DNAH12: variants seen among roughly 807,000 people sequenced by gnomAD.
DNAH12 encodes the protein axonemal beta dynein heavy chain 12.
In DNAH12, 285 loss-of-function variants were observed where a neutral mutation model predicts 371.5. The observed-to-expected ratio is 0.77, with a 90% CI of 0.70 to 0.85. DNAH12 has a LOEUF of 0.85. DNAH12 is among the 40% of genes least tolerant of loss of function. The pLI is 0.00. For missense variants in DNAH12, 3,611 were observed against 3,689.4 expected (o/e 0.98, Z 0.55); for synonymous variants, 1,200 against 1,213.0 (o/e 0.99, Z 0.22).
At chr3:57,542,672 C>A in intron 2 of DNAH12, 29 bp downstream of exon 2, 3 of 1,527,024 alleles carry the variant, frequency 2.0e-6, no homozygotes, top group Admixed American at 2.1e-5. Flanking sequence ...GAATTCCAAG[C>A]AAGAATTATC....
chr3:57,511,246 C>T (rs2067987460), intron 4 of DNAH12, among the ~76,000 whole-genome samples: 1 of 152,104 alleles, frequency 6.6e-6, no homozygotes, highest in African/African-American at 2.4e-5. Context: ...CTTTACCTAA[C>T]TTATTATTCC....
chr3:57,411,850 G>T (rs573433633), intron 39 of DNAH12, among the ~76,000 whole-genome samples: 81 of 152,210 alleles, frequency 5.3e-4, no homozygotes, highest in Non-Finnish European at 9.3e-4. Context: ...GATATGGAGA[G>T]GCCAAAGTCC....
At chr3:57,430,905 C>G (rs956649504) in intron 32 of DNAH12, among the ~76,000 whole-genome samples, 2 of 152,100 alleles carry the variant, frequency 1.3e-5, no homozygotes, top group Non-Finnish European at 1.5e-5. Context: ...CCATATGTGG[C>G]TATTTATATT....
chr3:57,390,687 G>A (rs1466948672), intron 45 of DNAH12, among the ~76,000 whole-genome samples: 4 of 151,572 alleles, frequency 2.6e-5, no homozygotes, highest in Non-Finnish European at 5.9e-5. Flanking sequence ...ATACCAAATT[G>A]TATTAAACAG....
intron 43 of DNAH12, among the ~76,000 whole-genome samples, chr3:57,398,972 T>C (rs1411154467): frequency 6.6e-6 from 1 of 152,168 alleles, no homozygotes; most frequent in African/African-American, 2.4e-5. Context: ...GCCTTATAAA[T>C]GTATGTTAAT....
chr3:57,438,972 T>TAC (rs992002043), intron 29 of DNAH12, among the ~76,000 whole-genome samples: 3 of 123,614 alleles, frequency 2.4e-5, no homozygotes, highest in Non-Finnish European at 5.0e-5. Flanking sequence ...CACACACACA[T>TAC]ACACACACAC....
At position 57,436,997 on chromosome 3, in the gene DNAH12, G is replaced by A; in HGVS notation, c.4609C>T (p.Leu1537Phe). 1 of 1,512,502 alleles carries A rather than the reference G, an allele frequency of 6.6e-7. No homozygotes were observed. The highest frequency in any genetic ancestry group is 2.6e-5 in the Admixed American group (1 of 38,772). 93.7% of individuals were successfully genotyped at this position (1,512,502 alleles called of 1,614,324 possible). A position where few individuals can be genotyped will look rare whatever the true frequency, so the allele number is the denominator to read the frequency against. The change falls in exon 30 of 74, where the codon CTT becomes TTT. Residue 1537 changes from leucine to phenylalanine, a missense_variant. This residue lies in a region of DNAH12 where 2,266 missense variants were observed against 2,236.9 expected (regional missense o/e 1.01). Transcript: ENST00000495027. ...VHNLQPVKFF[L>F]EKIIQTYEMM... Reference sequence around the variant, plus strand: ...TCATATGTTTGAATTATTTTTTCAAGAAAAAATTTAACAGGCTGAAGATTA... The same window carrying A: ...TCATATGTTTGAATTATTTTTTCAAAAAAAAATTTAACAGGCTGAAGATTA...
chr3:57,485,688 C>T (rs7640420), intron 12 of DNAH12, among the ~76,000 whole-genome samples: 9,809 of 151,882 alleles, frequency 0.065, 1,076 homozygotes, highest in African/African-American at 0.22. Flanking sequence ...CATGAGCCAC[C>T]GCACCCGGCT....
the DNAH12 span, among the ~76,000 whole-genome samples, chr3:57,550,485 T>C: frequency 3.3e-5 from 5 of 152,160 alleles, no homozygotes; most frequent in East Asian, 5.8e-4. Context: ...TATCCGTTTA[T>C]TTTTGTATAC....
rs372481500 is a variant in DNAH12 at position 57,433,745 on chromosome 3, T to C, written c.4739A>G (p.His1580Arg). ...GACCTTTTCTTCCTCTCCATAGCCA[T>C]GTTCATTCATTAAAGTTAGCGTATC... Reference protein sequence around the residue: ...LADTLTLMNEHGYGEEEKVIY... With the variant: ...LADTLTLMNERGYGEEEKVIY... The change falls in exon 31 of 74, where the codon CAT becomes CGT. Residue 1580 changes from histidine (H) to arginine (R), a missense_variant. His to Arg is a conservative substitution (Grantham distance 29, BLOSUM62 0). Around this residue, in one of 3 missense-constraint regions of DNAH12, gnomAD observed 2,266 missense variants for 2,236.9 expected, o/e 1.01. Transcript: ENST00000495027. 149 of 1,551,444 alleles carry C rather than the reference T, an allele frequency of 9.6e-5. No homozygotes were observed. In the African/African-American group the frequency reaches 1.1e-3, roughly 12 times the overall value.
At chr3:57,315,841 T>C (rs2061673424) in intron 65 of DNAH12, among the ~76,000 whole-genome samples, 2 of 152,132 alleles carry the variant, frequency 1.3e-5, no homozygotes, top group Admixed American at 1.3e-4. Context: ...TTTTGGTCTA[T>C]GCTTGTGTGT....
At chr3:57,414,015 A>G (rs1575568058) in intron 38 of DNAH12, 103 bp from the exon 39 acceptor site, 2 of 1,189,078 alleles carry the variant, frequency 1.7e-6, no homozygotes, top group East Asian at 5.4e-5. Context: ...CCATTTTGCC[A>G]GAATCCATGG....
chr3:57,510,772 G>A lies in DNAH12; in HGVS notation c.469+18C>T, dbSNP rs776262866. ...GGCCAAGGTGAAAGAAGCCTGGTGT[G>A]TGTTAGATGCTACTTACCCAAATAT... On this transcript the variant is annotated intron_variant, in intron 5 of 73. Transcript: ENST00000495027. 1 of 1,611,512 alleles carries A rather than the reference G, an allele frequency of 6.2e-7. No individual in the cohort carries two copies. The highest frequency in any genetic ancestry group is 1.1e-5 in the South Asian group (1 of 90,530).
At chr3:57,306,409 T>C (rs528280932) in intron 69 of DNAH12, among the ~76,000 whole-genome samples, 1 of 152,226 alleles carries the variant, frequency 6.6e-6, no homozygotes, top group African/African-American at 2.4e-5. Flanking sequence ...AGCACTCCTT[T>C]TTAGTTATCC....
chr3:57,446,476 C>T, intron 26 of DNAH12, 61 bp downstream of exon 26: 1 of 1,473,430 alleles, frequency 6.8e-7, no homozygotes, highest in African/African-American at 1.4e-5. Context: ...TTCCATTTAT[C>T]CAATTAGACC....
chr3:57,369,272 TA>T (rs1471438433), intron 55 of DNAH12, among the ~76,000 whole-genome samples: 1 of 141,106 alleles, frequency 7.1e-6, no homozygotes, highest in African/African-American at 2.7e-5. Context: ...ATTATATATA[TA>T]ATTTTTACAT....
chr3:57,484,050 T>C (rs577768873), intron 12 of DNAH12, among the ~76,000 whole-genome samples: 1 of 151,746 alleles, frequency 6.6e-6, no homozygotes, highest in East Asian at 1.9e-4. Flanking sequence ...TGCAAAATTA[T>C]GGCATATTAG....
chr3:57,437,085 T>G, intron 29 of DNAH12, 25 bp from the exon 30 acceptor site: 2 of 1,408,330 alleles, frequency 1.4e-6, no homozygotes, highest in Non-Finnish European at 1.9e-6. Flanking sequence ...AGTAATGCAT[T>G]TCTACAACAC....
At chr3:57,369,805 C>CAAAATGT (rs2063131983) in intron 55 of DNAH12, among the ~76,000 whole-genome samples, 1 of 152,106 alleles carries the variant, frequency 6.6e-6, no homozygotes, top group South Asian at 2.1e-4. Flanking sequence ...CATTCTCTCA[C>CAAAATGT]AAAATGTAAC....
Sources: allele counts gnomAD v4.1 joint callset (sites outside exome capture counted in the v4.1 genomes callset), GRCh38; gene constraint gnomAD v4.1.1; regional missense constraint gnomAD v4.1.1; transcripts MANE v1.5; gene names NCBI Gene and HGNC (gene_info 2026-07-23, HGNC 2026-07-21).